Variants in TENM1 observed in about 807,000 individuals in gnomAD.
The protein encoded by TENM1 is teneurin transmembrane protein 1, also known as teneurin-1.
A neutral mutation model predicts 174.8 loss-of-function variants in TENM1; 35 were observed. The observed-to-expected ratio is 0.20, with a 90% CI of 0.15 to 0.27. TENM1 has a LOEUF of 0.27. TENM1 is among the 10% of genes least tolerant of loss of function. The pLI, the probability that TENM1 is intolerant of heterozygous loss-of-function variation, is 1.00. For missense variants in TENM1, 1,633 were observed against 2,130.1 expected (o/e 0.77, Z 4.59); for synonymous variants, 781 against 798.7 (o/e 0.98, Z 0.37).
At chrX:124,771,410 A>ATT (rs1266203640) in intron 3 of TENM1, among the ~76,000 whole-genome samples, 16 of 112,639 alleles carry the variant, frequency 1.4e-4, no homozygotes, top group Middle Eastern at 4.6e-3. Flanking sequence ...AGACAGACCA[A>ATT]TTAAGGTAGA....
At chrX:124,994,735 A>G in the TENM1 span, among the ~76,000 whole-genome samples, 1 of 110,264 alleles carries the variant, frequency 9.1e-6, no homozygotes, top group African/African-American at 3.3e-5. Context: ...CACTGCCACT[A>G]TCCTTGTTCA....
intron 3 of TENM1, among the ~76,000 whole-genome samples, chrX:124,779,104 T>TAG (rs2054849211): frequency 9.0e-6 from 1 of 111,715 alleles, no homozygotes; most frequent in African/African-American, 3.2e-5. Context: ...AATATAGCTG[T>TAG]AGAGAGTCTT....
At chrX:124,522,138 T>G (rs892555567) in intron 17 of TENM1, among the ~76,000 whole-genome samples, 4 of 111,788 alleles carry the variant, frequency 3.6e-5, no homozygotes, top group Non-Finnish European at 7.5e-5. Flanking sequence ...CACTGTCTTG[T>G]TTTTTCTCCC....
chrX:125,137,927 A>G, the TENM1 span, among the ~76,000 whole-genome samples: 2 of 112,136 alleles, frequency 1.8e-5, no homozygotes, highest in Non-Finnish European at 3.8e-5. Flanking sequence ...CACTGTCACA[A>G]AAATATATAA....
chrX:124,689,058 A>G (rs1245801217), intron 5 of TENM1, among the ~76,000 whole-genome samples: 1 of 111,853 alleles, frequency 8.9e-6, no homozygotes, highest in African/African-American at 3.3e-5. Flanking sequence ...ATAAATATGG[A>G]AGGAAAATGC....
intron 23 of TENM1, among the ~76,000 whole-genome samples, chrX:124,449,583 G>A (rs777885357): frequency 8.9e-6 from 1 of 111,911 alleles, no homozygotes; most frequent in South Asian, 3.8e-4. Flanking sequence ...TCATACATGT[G>A]CATCTTCTCT....
intron 15 of TENM1, among the ~76,000 whole-genome samples, chrX:124,540,749 C>CA (rs1412592263): frequency 1.3e-4 from 14 of 111,803 alleles, no homozygotes. Context: ...AAAAGTTTGC[C>CA]AAAATTCCAT....
chrX:125,087,862 T>C, the TENM1 span, among the ~76,000 whole-genome samples: 1 of 111,114 alleles, frequency 9.0e-6, no homozygotes, highest in East Asian at 2.8e-4. Flanking sequence ...AAATAAATGG[T>C]GGAGATGAGG....
At chrX:124,759,492 C>A (rs2054354565) in intron 3 of TENM1, among the ~76,000 whole-genome samples, 1 of 110,698 alleles carries the variant, frequency 9.0e-6, no homozygotes, top group African/African-American at 3.3e-5. Context: ...TTCCTGAGTC[C>A]CCAAAGTCCA....
At chrX:125,132,555 T>A in the TENM1 span, among the ~76,000 whole-genome samples, 1 of 112,141 alleles carries the variant, frequency 8.9e-6, no homozygotes, top group Non-Finnish European at 1.9e-5. Context: ...AGGATAACGC[T>A]GATAACGGTG....
chrX:125,155,523 G>A, the TENM1 span, among the ~76,000 whole-genome samples: 1 of 109,696 alleles, frequency 9.1e-6, no homozygotes. Flanking sequence ...GCAGGGGGTG[G>A]CGCTCGTCGG....
At position 124,666,944 on chromosome X, in the gene TENM1, CTG is replaced by C. The variant is rs1204354098; in HGVS notation, c.1168+4737_1168+4738del. ...ATTGTTTTACTTGTTCAGTTTTTCT[CTG>C]TGATACTTATTGAAAACCTTTTCAG... is the stretch of plus-strand genomic sequence containing the variant. On this transcript the variant is annotated intron_variant, in intron 6 of 31. Coordinates refer to ENST00000422452, the Ensembl canonical transcript of TENM1. Among the ~76,000 whole-genome samples the C allele has an allele frequency of 3.6e-5, 4 of 111,764 alleles. No individual in the cohort carries two copies. In the Admixed American group the frequency reaches 3.8e-4, roughly 11 times the overall value.
chrX:125,011,670 T>TA, the TENM1 span, among the ~76,000 whole-genome samples: 1 of 111,669 alleles, frequency 9.0e-6, no homozygotes, highest in Admixed American at 9.5e-5. Context: ...TGGCAATTAT[T>TA]AAAAAGTCAA....
intron 28 of TENM1, 93 bp from the exon 32 acceptor site, chrX:124,386,157 A>C: frequency 1.2e-6 from 1 of 866,862 alleles, no homozygotes; most frequent in Non-Finnish European, 1.6e-6. Flanking sequence ...ACACAAATCA[A>C]TCAAGCACTT....
intron 1 of TENM1, among the ~76,000 whole-genome samples, chrX:124,925,245 C>T (rs544040690): frequency 9.1e-6 from 1 of 110,387 alleles, no homozygotes; most frequent in Non-Finnish European, 1.9e-5. Context: ...TCATGAGAGG[C>T]ATCTTTCCCT....
intron 3 of TENM1, among the ~76,000 whole-genome samples, chrX:124,795,966 C>T (rs1162129286): frequency 9.0e-6 from 1 of 110,934 alleles, no homozygotes; most frequent in Non-Finnish European, 1.9e-5. Flanking sequence ...TTCTATTTTA[C>T]TTGGTTCTAT....
In TENM1 at chrX:124,507,230, T is replaced by C. The variant is rs769953243; in HGVS notation, c.3302-3527A>G. 1.1e-4 allele frequency among the ~76,000 whole-genome samples: 12 copies of C among 111,510 alleles called. No individual in the cohort carries two copies. In the South Asian group the frequency reaches 4.2e-3, roughly 39 times the overall value. ...CTACACTTCCCAGGGGTTAGCATAATGGGTTCGTGCTGGTGTGCATATATT... is the reference window on the plus strand; with the variant it reads ...CTACACTTCCCAGGGGTTAGCATAACGGGTTCGTGCTGGTGTGCATATATT... On this transcript the variant is annotated intron_variant, in intron 18 of 31. Coordinates refer to ENST00000422452, the Ensembl canonical transcript of TENM1.
intron 22 of TENM1, among the ~76,000 whole-genome samples, chrX:124,468,525 C>G (rs1227492790): frequency 8.9e-6 from 1 of 112,547 alleles, no homozygotes; most frequent in Non-Finnish European, 1.9e-5. Flanking sequence ...TATAGCCAAT[C>G]CCATCTCCTT....
At chrX:124,974,902 A>ATATATATATTTATATATATATATATTAT in the TENM1 span, among the ~76,000 whole-genome samples, 1 of 92,022 alleles carries the variant, frequency 1.1e-5, no homozygotes, top group African/African-American at 4.4e-5. Flanking sequence ...ATATATATAT[A>ATATATATATTTATATATATATATATTAT]AAATAATTTT....
Sources: allele counts gnomAD v4.1 joint callset (sites outside exome capture counted in the v4.1 genomes callset), GRCh38; gene constraint gnomAD v4.1.1; transcripts MANE v1.5; gene names NCBI Gene and HGNC (gene_info 2026-07-23, HGNC 2026-07-21).